The following RACGAP1 variants were observed in gnomAD, a reference collection of about 807,000 sequenced individuals.
The protein encoded by RACGAP1 is rac GTPase-activating protein 1.
Under a neutral mutation model 78.1 loss-of-function variants are expected in RACGAP1, and 30 were observed. That is an observed-to-expected ratio of 0.38 (90% CI 0.29 to 0.52). The LOEUF is 0.52. Among genes scored for constraint, RACGAP1 ranks in the 20% least tolerant of loss-of-function variants. The pLI, the probability that RACGAP1 is intolerant of heterozygous loss-of-function variation, is 0.82. For missense variants in RACGAP1, 587 were observed against 777.1 expected, an observed-to-expected ratio of 0.76 and a Z score of 2.91; for synonymous variants, 231 against 264.8, an observed-to-expected ratio of 0.87 and a Z score of 1.24.
In RACGAP1 at chr12:49,999,268, G is replaced by T; in HGVS notation, c.752C>A (p.Thr251Asn). ...GGAGTCACTGTTCCAAGGTTGTAAA[G>T]TACCTAGAAAACAAGCAACTTTTAA... ...YWTRSRRKTG[T>N]LQPWNSDSTL... Residue 251 changes from threonine (T) to asparagine (N), a missense_variant, in exon 9 of 17, where the codon ACT becomes AAT. Coordinates refer to ENST00000312377, the MANE Select transcript of RACGAP1 (RefSeq NM_001319999.2). The T allele has an allele frequency of 6.3e-7, 1 of 1,598,562 alleles. No homozygotes were observed.
chr12:50,011,878 TG>T (rs1476052037), intron 2 of RACGAP1, among the ~76,000 whole-genome samples: 1 of 135,148 alleles, frequency 7.4e-6, no homozygotes, highest in African/African-American at 2.9e-5. Flanking sequence ...GGCGTGAATC[TG>T]GGAGGCGGAG....
chr12:49,999,559 C>T, intron 8 of RACGAP1, 57 bp downstream of exon 8: 3 of 1,470,956 alleles, frequency 2.0e-6, no homozygotes, highest in East Asian at 2.3e-5. Context: ...GAAACCAACT[C>T]TCCAAAATTT....
At chr12:50,028,453 T>C (rs1459656993), upstream of RACGAP1, among the ~76,000 whole-genome samples, 1 of 152,242 alleles carries the variant, frequency 6.6e-6, no homozygotes, top group Non-Finnish European at 1.5e-5. Flanking sequence ...TTGCATTCTT[T>C]ACTCCTCAAG....
At chr12:50,016,033 C>T (rs1196504247) in intron 2 of RACGAP1, among the ~76,000 whole-genome samples, 1 of 151,910 alleles carries the variant, frequency 6.6e-6, no homozygotes, top group East Asian at 1.9e-4. Flanking sequence ...GTAAATTTTT[C>T]CCAGTTCATG....
chr12:49,999,650 A>G lies in RACGAP1; in HGVS notation c.714T>C (p.Thr238=), dbSNP rs764357506. Reference sequence around the variant, plus strand: ...TTCGGCTCCTGGTCCAATATGGCACAGTCTCAATAGTGGACACAGCTTCGA... The same window carrying G: ...TTCGGCTCCTGGTCCAATATGGCACGGTCTCAATAGTGGACACAGCTTCGA... ...GPIEAVSTIE[T]VPYWTRSRRK... The change falls in exon 8 of 17, where the codon ACT becomes ACC. Residue 238 remains threonine (T), a synonymous_variant. Transcript: ENST00000312377. The G allele has an allele frequency of 3.6e-5, 58 of 1,614,098 alleles. No homozygotes were observed. Among genetic ancestry groups the G allele is most frequent in the Non-Finnish European group, 4.3e-5 (51 of 1,180,024 alleles).
Position 49,999,655 on chromosome 12 carries a change from C to G in RACGAP1, c.709G>C (p.Glu237Gln). 6.2e-7 allele frequency: 1 copy of G among 1,614,188 alleles called. No individual in the cohort carries two copies. The highest frequency in any genetic ancestry group is 8.5e-7 in the Non-Finnish European group (1 of 1,180,038). Residue 237 changes from glutamate (E) to glutamine (Q), a missense_variant, in exon 8 of 17, where the codon GAG becomes CAG. Glu to Gln is a conservative substitution (Grantham distance 29). Transcript: ENST00000312377. ...CTCCTGGTCCAATATGGCACAGTCT[C>G]AATAGTGGACACAGCTTCGATGGGC... ...GGPIEAVSTI[E>Q]TVPYWTRSRR...
intron 10 of RACGAP1, among the ~76,000 whole-genome samples, chr12:49,995,225 G>A (rs924223434): frequency 6.6e-6 from 1 of 152,154 alleles, no homozygotes; most frequent in Admixed American, 6.5e-5. Context: ...GCGCATGCCT[G>A]TAATCCCAGC....
chr12:50,025,334 A>C (rs960626692), intron 1 of RACGAP1, 64 bp downstream of exon 1: 1 of 985,600 alleles, frequency 1.0e-6, no homozygotes, highest in Non-Finnish European at 1.2e-6. Flanking sequence ...TCACCACACG[A>C]ACACTCTGCT....
At chr12:49,991,625 AT>A (rs758498651) in intron 15 of RACGAP1, among the ~76,000 whole-genome samples, 4 of 148,458 alleles carry the variant, frequency 2.7e-5, no homozygotes, top group Non-Finnish European at 6.0e-5. Context: ...GGTAGCTGGG[AT>A]TACAGGCATG....
At chr12:50,001,091 A>AACAATGCT (rs1322288079) in intron 7 of RACGAP1, 81 bp downstream of exon 7, 6 of 1,157,098 alleles carry the variant, frequency 5.2e-6, no homozygotes, top group African/African-American at 1.6e-5. Context: ...TGTCTCTCAA[A>AACAATGCT]ACAATGCTGC....
At chr12:50,015,109 G>T (rs1399563391) in intron 2 of RACGAP1, among the ~76,000 whole-genome samples, 2 of 151,556 alleles carry the variant, frequency 1.3e-5, no homozygotes, top group Admixed American at 1.3e-4. Flanking sequence ...CAAACTCCTG[G>T]ACTCAATCGA....
chr12:49,999,644 T>C lies in RACGAP1; in HGVS notation c.720A>G (p.Pro240=), dbSNP rs1473626943. ...IEAVSTIETV[P]YWTRSRRKTG... ...TTTTCCTTCGGCTCCTGGTCCAATA[T>C]GGCACAGTCTCAATAGTGGACACAG... is the stretch of plus-strand genomic sequence containing the variant. Residue 240 remains proline, a synonymous_variant, in exon 8 of 17, where the codon CCA becomes CCG. Coordinates refer to ENST00000312377, the MANE Select transcript of RACGAP1 (RefSeq NM_001319999.2). 2.5e-6 allele frequency: 4 copies of C among 1,614,048 alleles called. No homozygotes were observed. Among genetic ancestry groups the C allele is most frequent in the East Asian group, 2.2e-5 (1 of 44,904 alleles).
At chr12:49,999,031 A>T (rs1948484734) in intron 9 of RACGAP1, 110 bp downstream of exon 9, 3 of 1,300,656 alleles carry the variant, frequency 2.3e-6, no homozygotes, top group Non-Finnish European at 3.0e-6. Context: ...TGGAATGAGG[A>T]AGGAAATTTG....
intron 1 of RACGAP1, chr12:50,017,096 G>A: frequency 1.0e-6 from 1 of 1,003,588 alleles, no homozygotes; most frequent in Non-Finnish European, 1.2e-6. Context: ...TTCCTTGTGG[G>A]CTTTGAAGAC....
rs370154975 is a variant in RACGAP1 at position 50,010,318 on chromosome 12, CT to C, written c.86-3683del. On this transcript the variant is annotated intron_variant, in intron 2 of 16. Transcript: ENST00000312377. ...CTTGGACTTAGCTCTCTTTTTTTAA[CT>C]TTTTTTTTTTTTTCTTTTTTAAGAG... Among the ~76,000 whole-genome samples the C allele has an allele frequency of 2.9e-3, 407 of 142,584 alleles. 1 individual carries two copies. Among genetic ancestry groups the C allele is most frequent in the African/African-American group, 6.6e-3 (255 of 38,600 alleles). 93.5% of individuals were successfully genotyped at this position (142,584 alleles called of 152,430 possible). A position where few individuals can be genotyped will look rare whatever the true frequency, so the allele number is the denominator to read the frequency against.
Position 49,999,264 on chromosome 12 carries a change from T to C in RACGAP1, c.756A>G (p.Leu252=). The change falls in exon 9 of 17, where the codon TTA becomes TTG. Residue 252 remains leucine (L), a synonymous_variant. Transcript: ENST00000312377. ...WTRSRRKTGT[L]QPWNSDSTLN... ...GGGTGGAGTCACTGTTCCAAGGTTG[T>C]AAAGTACCTAGAAAACAAGCAACTT... is the stretch of plus-strand genomic sequence containing the variant. 1 of 1,602,626 alleles carries C rather than the reference T, an allele frequency of 6.2e-7. No individual in the cohort carries two copies. The highest frequency in any genetic ancestry group is 1.7e-4 in the Middle Eastern group (1 of 5,978).
Position 49,992,099 on chromosome 12 carries a change from T to C in RACGAP1, c.1613A>G (p.Tyr538Cys). Residue 538 changes from tyrosine (Y) to cysteine (C), a missense_variant, in exon 15 of 17, where the codon TAT (tyrosine) becomes TGT (cysteine). Coordinates refer to ENST00000312377, the MANE Select transcript of RACGAP1 (RefSeq NM_001319999.2). ...CTCCACCATCATGAACTGACTCCAA[T>C]ACTCCAGAGGCAAGGAAAGCAGGCG... Reference protein sequence around the residue: ...VERLLSLPLEYWSQFMMVEQE... With the variant: ...VERLLSLPLECWSQFMMVEQE... 2 of 1,614,088 alleles carry C rather than the reference T, an allele frequency of 1.2e-6. No individual in the cohort carries two copies. Among genetic ancestry groups the C allele is most frequent in the Non-Finnish European group, 1.7e-6 (2 of 1,180,014 alleles).
chr12:50,032,755 T>G (rs1011808325), intron 1 of RACGAP1, among the ~76,000 whole-genome samples: 1 of 152,142 alleles, frequency 6.6e-6, no homozygotes, highest in Non-Finnish European at 1.5e-5. Context: ...ATCCGGTTAT[T>G]TAATCTCCCA....
chr12:50,012,574 AAAAT>A (rs1001774206), intron 2 of RACGAP1, among the ~76,000 whole-genome samples: 48 of 151,590 alleles, frequency 3.2e-4, no homozygotes, highest in Non-Finnish European at 5.9e-4. Flanking sequence ...AAAAATAAAA[AAAAT>A]AAATAAATAA....
Sources: gnomAD v4.1 joint callset for allele counts (sites outside exome capture counted in the v4.1 genomes callset) on GRCh38, gnomAD v4.1.1 for gene constraint, MANE v1.5 for transcripts, NCBI Gene and HGNC (gene_info 2026-07-23, HGNC 2026-07-21) for gene names.